Variants in STAT5B observed in about 807,000 individuals in gnomAD.
STAT5B encodes the protein signal transducer and activator of transcription 5B.
In STAT5B, 21 loss-of-function variants were observed where a neutral mutation model predicts 107.8. The observed-to-expected ratio is 0.19, with a 90% CI of 0.14 to 0.28. The LOEUF (loss-of-function observed/expected upper bound fraction) is 0.28. STAT5B is among the 10% of genes least tolerant of loss of function. The probability of loss-of-function intolerance (pLI) is 1.00; values close to 1 mark genes in which losing one functional copy is unlikely to be tolerated. For synonymous variants in STAT5B, 325 were observed against 401.7 expected (o/e 0.81, Z 2.28); for missense variants, 565 against 1,008.2 (o/e 0.56, Z 5.95).
At chr17:42,282,491 T>C in the STAT5B span, among the ~76,000 whole-genome samples, 2 of 152,136 alleles carry the variant, frequency 1.3e-5, no homozygotes, top group Non-Finnish European at 2.9e-5. Context: ...ACCTGGCTAA[T>C]TTTTTTATTT....
chr17:42,203,119 T>G (rs527900920), intron 16 of STAT5B, among the ~76,000 whole-genome samples: 1 of 152,178 alleles, frequency 6.6e-6, no homozygotes, highest in Admixed American at 6.6e-5. Flanking sequence ...TTTTGTATTT[T>G]TAGTAGAGAT....
intron 1 of STAT5B, among the ~76,000 whole-genome samples, chr17:42,236,070 T>G (rs528770660): frequency 6.6e-6 from 1 of 152,370 alleles, no homozygotes; most frequent in African/African-American, 2.4e-5. Context: ...GTAGAATATT[T>G]TTATGATTCT....
At chr17:42,276,496 C>G (rs2080768193), upstream of STAT5B, 1 of 150,276 alleles carries the variant, frequency 6.7e-6, no homozygotes, top group African/African-American at 2.4e-5. This position sits in a 1 kb window ranked among gnomAD's most constrained non-coding sequence, Gnocchi z 4.8. Flanking sequence ...CTTCCTGGTT[C>G]CGCCCGGCGC....
chr17:42,214,960 C>T (rs112404650), intron 12 of STAT5B, among the ~76,000 whole-genome samples: 14 of 152,192 alleles, frequency 9.2e-5, no homozygotes, highest in African/African-American at 3.4e-4. Flanking sequence ...GCTATGCTGC[C>T]TAGGCTAGTC....
chr17:42,202,658 C>T, intron 17 of STAT5B, 99 bp downstream of exon 17: 1 of 1,598,450 alleles, frequency 6.3e-7, no homozygotes, highest in Non-Finnish European at 8.6e-7. Flanking sequence ...GACAGTTTCC[C>T]CGGGGGAGCG....
chr17:42,273,520 G>C (rs2080738200), intron 1 of STAT5B, among the ~76,000 whole-genome samples: 1 of 152,140 alleles, frequency 6.6e-6, no homozygotes, highest in Non-Finnish European at 1.5e-5. Context: ...GCTTCCTTTT[G>C]TAGGAATAAT....
At chr17:42,222,703 C>G (rs978032982) in intron 5 of STAT5B, among the ~76,000 whole-genome samples, 13 of 138,174 alleles carry the variant, frequency 9.4e-5, no homozygotes, top group African/African-American at 3.3e-4. Flanking sequence ...TTTTTTGAGA[C>G]AGAATTTTGC....
At chr17:42,205,329 C>T (rs2080076939) in intron 16 of STAT5B, among the ~76,000 whole-genome samples, 1 of 151,988 alleles carries the variant, frequency 6.6e-6, no homozygotes, top group Non-Finnish European at 1.5e-5. Flanking sequence ...CCATGCCCAG[C>T]TACCTAGGAT....
Position 42,224,762 on chromosome 17 carries a change from C to A in STAT5B, c.375+17G>T. ...AAGACTTCCCGACTGCCCTCCCCAT[C>A]CCTATGGGACACTCACATTGTTGGC... On this transcript the variant is annotated intron_variant, in intron 4 of 18. Transcript: ENST00000293328. 1 of 1,613,384 alleles carries A rather than the reference C, an allele frequency of 6.2e-7. No individual in the cohort carries two copies.
chr17:42,216,521 T>C (rs1379898660), intron 11 of STAT5B, among the ~76,000 whole-genome samples: 4 of 152,156 alleles, frequency 2.6e-5, no homozygotes, highest in African/African-American at 9.7e-5. Flanking sequence ...TTATTGTTTG[T>C]TCATGTTTTA....
intron 4 of STAT5B, among the ~76,000 whole-genome samples, chr17:42,224,314 A>G (rs761514423): frequency 1.3e-5 from 2 of 151,806 alleles, no homozygotes; most frequent in African/African-American, 2.4e-5. Context: ...AAGGTTATAA[A>G]TCAGTTAAGA....
intron 1 of STAT5B, among the ~76,000 whole-genome samples, chr17:42,232,774 T>C (rs1292044154): frequency 6.6e-6 from 1 of 151,884 alleles, no homozygotes; most frequent in African/African-American, 2.4e-5. Flanking sequence ...ACATATTCTT[T>C]ACTTTTGTTC....
chr17:42,254,044 T>C (rs183436208), intron 1 of STAT5B, among the ~76,000 whole-genome samples: 3 of 152,176 alleles, frequency 2.0e-5, no homozygotes, highest in Admixed American at 1.3e-4. Flanking sequence ...ATCTGCCCAA[T>C]GTAAATGAGC....
At chr17:42,232,501 A>C (rs898522869) in intron 1 of STAT5B, among the ~76,000 whole-genome samples, 1 of 152,092 alleles carries the variant, frequency 6.6e-6, no homozygotes, top group Non-Finnish European at 1.5e-5. Context: ...CTCCCACCTC[A>C]GCCTCCTAAA....
chr17:42,222,961 G>T (rs1050329829), intron 5 of STAT5B, among the ~76,000 whole-genome samples: 20 of 152,234 alleles, frequency 1.3e-4, no homozygotes, highest in African/African-American at 4.8e-4. Context: ...TGGGATTACA[G>T]GTGTGAGCCA....
chr17:42,213,670 G>A (rs1390318000), intron 12 of STAT5B, among the ~76,000 whole-genome samples: 1 of 151,670 alleles, frequency 6.6e-6, no homozygotes, highest in Non-Finnish European at 1.5e-5. Context: ...TGGGATCATA[G>A]GCACGCACCA....
intron 9 of STAT5B, chr17:42,217,913 C>A (rs569652361): frequency 1.7e-6 from 1 of 596,030 alleles, no homozygotes; most frequent in East Asian, 3.4e-5. Flanking sequence ...ACCATGTTGG[C>A]CAGGCTGGTC....
At position 42,223,460 on chromosome 17, in the gene STAT5B, T is replaced by C. The variant is rs1293924779; in HGVS notation, c.472A>G (p.Thr158Ala). 3 of 1,614,194 alleles carry C rather than the reference T, an allele frequency of 1.9e-6. No individual in the cohort carries two copies. Among genetic ancestry groups the C allele is most frequent in the Admixed American group, 1.7e-5 (1 of 60,024 alleles). The change falls in exon 5 of 19, where the codon ACA becomes GCA. Residue 158 changes from threonine (T) to alanine (A), a missense_variant. Thr to Ala is a moderately conservative substitution (Grantham distance 58). Coordinates refer to ENST00000293328, the MANE Select transcript of STAT5B (RefSeq NM_012448.4). ...TGCAGCTTTTTTAACTCATTCTCTGTGTCCTGCGTGACCAGTCGCAGCTCC... is the reference window on the plus strand; with the variant it reads ...TGCAGCTTTTTTAACTCATTCTCTGCGTCCTGCGTGACCAGTCGCAGCTCC... ...FEELRLVTQD[T>A]ENELKKLQQT...
chr17:42,214,122 G>A, intron 12 of STAT5B: 1 of 773,332 alleles, frequency 1.3e-6, no homozygotes, highest in Non-Finnish European at 1.6e-6. Context: ...CAGCCTGGGT[G>A]ACAGAGCAAG....
Sources: gnomAD v4.1 joint callset for allele counts (sites outside exome capture counted in the v4.1 genomes callset) on GRCh38, gnomAD v4.1.1 for gene constraint, Gnocchi (gnomAD v3.1) non-coding constraint, MANE v1.5 for transcripts, NCBI Gene and HGNC (gene_info 2026-07-23, HGNC 2026-07-21) for gene names.